Variants in TCP1 observed in about 807,000 individuals in gnomAD.
TCP1 encodes T-complex protein 1 subunit alpha.
In TCP1, 6 loss-of-function variants were observed where a neutral mutation model predicts 54.7. The ratio of observed to expected loss-of-function variants is 0.11; its 90% CI spans 0.06 to 0.22. TCP1 has a LOEUF of 0.22. Ranked by LOEUF, TCP1 falls within the 10% of genes least tolerant of loss-of-function variation. The probability of loss-of-function intolerance (pLI) is 1.00; values close to 1 mark genes in which losing one functional copy is unlikely to be tolerated. For synonymous variants in TCP1, 225 were observed against 229.7 expected, an observed-to-expected ratio of 0.98 and a Z score of 0.19; for missense variants, 511 against 678.2, an observed-to-expected ratio of 0.75 and a Z score of 2.74.
At chr6:159,788,014 A>G in intron 2 of TCP1, 44 bp downstream of exon 2, 1 of 1,607,052 alleles carries the variant, frequency 6.2e-7, no homozygotes, top group South Asian at 1.1e-5. Context: ...CACTGAAGAT[A>G]GTTTTACTTT....
Position 159,780,584 on chromosome 6 carries a change from A to G in TCP1, c.974-18T>C, listed in dbSNP as rs781525466. The G allele has an allele frequency of 5.0e-6, 8 of 1,607,498 alleles. No individual in the cohort carries two copies. The highest frequency in any genetic ancestry group is 3.3e-4 in the Middle Eastern group (2 of 6,048). On this transcript the variant is annotated intron_variant, in intron 8 of 11. Coordinates refer to ENST00000321394, the MANE Select transcript of TCP1 (RefSeq NM_030752.3). ...AATAGTTGCTAATAAGAGAGTTACA[A>G]AGGATCTGTGAATATTGCTCTTTCA...
intron 3 of TCP1, among the ~76,000 whole-genome samples, chr6:159,786,599 T>C (rs1780703030): frequency 6.6e-6 from 1 of 152,228 alleles, no homozygotes; most frequent in Admixed American, 6.5e-5. Flanking sequence ...GAAATATTTT[T>C]AAAGCAAAAA....
At chr6:159,781,505 G>T (rs1418463261) in intron 7 of TCP1, among the ~76,000 whole-genome samples, 8 of 152,210 alleles carry the variant, frequency 5.3e-5, no homozygotes, top group African/African-American at 1.9e-4. Flanking sequence ...AAGTGCAGTG[G>T]CTCACGCCTG....
chr6:159,787,008 C>G (rs926515363), intron 3 of TCP1, among the ~76,000 whole-genome samples: 6 of 147,718 alleles, frequency 4.1e-5, no homozygotes, highest in Non-Finnish European at 5.9e-5. Flanking sequence ...CTACAGAGGC[C>G]GAGAAGGGAG....
chr6:159,780,429 A>C lies in TCP1; in HGVS notation c.1097+14T>G. ...AATCGGTATAACTTTACAATTTTAG[A>C]AAGTGGCTCTTACTTTTTGATTAAG... On this transcript the variant is annotated intron_variant, in intron 9 of 11. Transcript: ENST00000321394. The C allele has an allele frequency of 6.2e-7, 1 of 1,613,424 alleles. No individual in the cohort carries two copies. Among genetic ancestry groups the C allele is most frequent in the Non-Finnish European group, 8.5e-7 (1 of 1,179,680 alleles).
Position 159,788,108 on chromosome 6 carries a change from T to C in TCP1, c.100A>G (p.Ser34Gly). Residue 34 changes from serine to glycine, a missense_variant, in exon 2 of 12, where the codon AGT becomes GGT. This residue lies in a region of TCP1 where 54 missense variants were observed against 111.8 expected (regional missense o/e 0.48). Coordinates refer to ENST00000321394, the MANE Select transcript of TCP1 (RefSeq NM_030752.3). ...TCCAAGCCAACTGGACCAAGAGAAC[T>C]TTTTACAATATTGGCAATCGAAGCT... Reference protein sequence around the residue: ...AAASIANIVKSSLGPVGLDKM... With the variant: ...AAASIANIVKGSLGPVGLDKM... 1.2e-6 allele frequency: 2 copies of C among 1,614,138 alleles called. No individual in the cohort carries two copies. Among genetic ancestry groups the C allele is most frequent in the Non-Finnish European group, 1.7e-6 (2 of 1,180,020 alleles).
intron 6 of TCP1, 151 bp downstream of exon 6, chr6:159,784,515 A>G: frequency 1.3e-6 from 1 of 756,552 alleles, no homozygotes; most frequent in African/African-American, 1.8e-5. Context: ...CATATTGGAC[A>G]GGCTGCTCTC....
At chr6:159,780,187 A>T in intron 9 of TCP1, 100 bp from the exon 10 acceptor site, 1 of 1,439,532 alleles carries the variant, frequency 6.9e-7, no homozygotes, top group Admixed American at 1.9e-5. Context: ...TTAATAAAAT[A>T]AGTCTACATA....
chr6:159,779,862 C>T, intron 10 of TCP1, 33 bp downstream of exon 10: 1 of 1,608,186 alleles, frequency 6.2e-7, no homozygotes, highest in Non-Finnish European at 8.5e-7. Context: ...CTACTGCTCT[C>T]AGGCCTCTAA....
intron 1 of TCP1, chr6:159,789,041 T>G (rs942439355): frequency 1.2e-5 from 3 of 240,912 alleles, no homozygotes; most frequent in Non-Finnish European, 2.4e-5. Flanking sequence ...AACCTGGCGT[T>G]TAACATGGAC....
Position 159,786,057 on chromosome 6 carries a change from T to C in TCP1, c.280-60A>G. On this transcript the variant is annotated intron_variant, in intron 3 of 11. Transcript: ENST00000321394. ...GGATATTCAACATGTGCAATACATATGGAATGACACTAAAATGGCCATATA... is the reference window on the plus strand; with the variant it reads ...GGATATTCAACATGTGCAATACATACGGAATGACACTAAAATGGCCATATA... 3.0e-6 allele frequency: 4 copies of C among 1,347,292 alleles called. No homozygotes were observed. The South Asian group carries it at 4.8e-5, about 16-fold the overall frequency. 83.5% of individuals were successfully genotyped at this position (1,347,292 alleles called of 1,614,324 possible). A position where few individuals can be genotyped will look rare whatever the true frequency, so the allele number is the denominator to read the frequency against.
At position 159,784,058 on chromosome 6, in the gene TCP1, T is replaced by C. The variant is rs1294368680; in HGVS notation, c.680A>G (p.Lys227Arg). 7 of 1,613,364 alleles carry C rather than the reference T, an allele frequency of 4.3e-6. No homozygotes were observed. The highest frequency in any genetic ancestry group is 4.5e-5 in the East Asian group (2 of 44,856). ...NCVVGSQGMP[K>R]RIVNAKIACL... ...AGCAATTTTTGCATTTACGATTCTC[T>C]TGGGCATGCCTACAATTGAACATAA... The change falls in exon 7 of 12, where the codon AAG becomes AGG. Residue 227 changes from lysine to arginine, a missense_variant. Transcript: ENST00000321394.
chr6:159,781,143 C>G (rs760818106), intron 7 of TCP1, 33 bp from the exon 8 acceptor site: 18 of 1,496,746 alleles, frequency 1.2e-5, no homozygotes, highest in Non-Finnish European at 1.6e-5. Context: ...GAGTTACCTT[C>G]TGTGATTTTT....
chr6:159,786,815 C>T (rs1780708032), intron 3 of TCP1, among the ~76,000 whole-genome samples: 1 of 152,184 alleles, frequency 6.6e-6, no homozygotes, highest in Non-Finnish European at 1.5e-5. Context: ...ACTATACCAG[C>T]ATGCTGGATG....
At chr6:159,780,251 A>C (rs779295303) in intron 9 of TCP1, 164 bp from the exon 10 acceptor site, 3 of 1,208,754 alleles carry the variant, frequency 2.5e-6, no homozygotes, top group Non-Finnish European at 3.7e-6. Context: ...ATACAGAAAC[A>C]ATGTCTAGTC....
At chr6:159,782,975 G>A (rs1238042827) in intron 7 of TCP1, among the ~76,000 whole-genome samples, 1 of 152,204 alleles carries the variant, frequency 6.6e-6, no homozygotes, top group Non-Finnish European at 1.5e-5. Flanking sequence ...TCCCTCAAAT[G>A]GAGAACAGGG....
chr6:159,788,317 CTG>C (rs1780748293), intron 1 of TCP1, 174 bp from the exon 2 acceptor site: 5 of 588,634 alleles, frequency 8.5e-6, no homozygotes, highest in East Asian at 3.0e-5. Context: ...GGGCCAGACA[CTG>C]TGGCTCACAG....
At position 159,780,497 on chromosome 6, in the gene TCP1, G is replaced by C. The variant is rs747731405; in HGVS notation, c.1043C>G (p.Ala348Gly). ...ETFEAAMLGQ[A>G]EEVVQERICD... ...AATTCTCTCCTGTACCACTTCTTCT[G>C]CCTGTCCCAACATTGCAGCTTCAAA... The change falls in exon 9 of 12, where the codon GCA (alanine) becomes GGA (glycine). Residue 348 changes from alanine (A) to glycine (G), a missense_variant. Physicochemically the swap from Ala to Gly is moderately conservative, Grantham distance 60. Coordinates refer to ENST00000321394, the MANE Select transcript of TCP1 (RefSeq NM_030752.3). The C allele has an allele frequency of 4.3e-6, 7 of 1,613,920 alleles. No homozygotes were observed. The highest frequency in any genetic ancestry group is 5.9e-6 in the Non-Finnish European group (7 of 1,179,978).
intron 3 of TCP1, among the ~76,000 whole-genome samples, chr6:159,787,215 C>T (rs1780720925): frequency 6.6e-6 from 1 of 152,100 alleles, no homozygotes; most frequent in South Asian, 2.1e-4. Flanking sequence ...GACAGCACTG[C>T]AGCACTTCAG....
Sources: allele counts gnomAD v4.1 joint callset (sites outside exome capture counted in the v4.1 genomes callset), GRCh38; gene constraint gnomAD v4.1.1; regional missense constraint gnomAD v4.1.1; transcripts MANE v1.5; gene names NCBI Gene and HGNC (gene_info 2026-07-23, HGNC 2026-07-21).